Variants in ARB2A observed in about 807,000 individuals in gnomAD.
ARB2A encodes the protein cotranscriptional regulator ARB2A.
At chr5:94,087,718 C>T in the ARB2A span, among the ~76,000 whole-genome samples, 210 of 152,186 alleles carry the variant, frequency 1.4e-3, no homozygotes, top group Non-Finnish European at 2.6e-3. Flanking sequence ...AAAGGTGTTC[C>T]TTTTTTAAAA....
chr5:93,642,670 G>A, the ARB2A span, among the ~76,000 whole-genome samples: 3 of 151,844 alleles, frequency 2.0e-5, no homozygotes, highest in South Asian at 2.1e-4. Flanking sequence ...CACTGTGACC[G>A]GCCCCCAGCT....
chr5:93,698,048 G>T, the ARB2A span, among the ~76,000 whole-genome samples: 47 of 152,088 alleles, frequency 3.1e-4, no homozygotes, highest in African/African-American at 8.9e-4. Context: ...GAATATTTTG[G>T]TAAGAGTGAT....
At chr5:93,716,808 G>A in the ARB2A span, among the ~76,000 whole-genome samples, 1 of 149,956 alleles carries the variant, frequency 6.7e-6, no homozygotes, top group African/African-American at 2.5e-5. Context: ...TTCATACTCA[G>A]TACAATTTAT....
chr5:93,999,411 C>T, the ARB2A span, among the ~76,000 whole-genome samples: 2 of 152,002 alleles, frequency 1.3e-5, no homozygotes, highest in African/African-American at 2.4e-5. Context: ...ATGAATGCAT[C>T]TTATTGTAAT....
the ARB2A span, among the ~76,000 whole-genome samples, chr5:93,693,575 CA>C: frequency 0.83 from 126,311 of 151,384 alleles, 53,143 homozygotes; most frequent in African/African-American, 0.94. Flanking sequence ...GCCTACCAAC[CA>C]AAAAAAAAAG....
chr5:93,824,624 T>C, the ARB2A span, among the ~76,000 whole-genome samples: 1 of 152,078 alleles, frequency 6.6e-6, no homozygotes, highest in African/African-American at 2.4e-5. Flanking sequence ...CTTTTTTACA[T>C]TATTAACTGA....
At chr5:94,081,591 C>G in the ARB2A span, among the ~76,000 whole-genome samples, 1 of 151,324 alleles carries the variant, frequency 6.6e-6, no homozygotes, top group Non-Finnish European at 1.5e-5. Flanking sequence ...AGCCAATTAC[C>G]AAAAAAAACC....
chr5:93,770,830 C>T, the ARB2A span, among the ~76,000 whole-genome samples: 1 of 152,156 alleles, frequency 6.6e-6, no homozygotes, highest in African/African-American at 2.4e-5. Context: ...AAGAACATTC[C>T]ATGCTCATGG....
the ARB2A span, among the ~76,000 whole-genome samples, chr5:94,020,194 A>G: frequency 6.7e-6 from 1 of 149,446 alleles, no homozygotes; most frequent in African/African-American, 2.5e-5. Context: ...GTTCTCACTC[A>G]TAAGTGGGAG....
the ARB2A span, among the ~76,000 whole-genome samples, chr5:93,970,047 C>A: frequency 6.6e-6 from 1 of 152,128 alleles, no homozygotes; most frequent in Non-Finnish European, 1.5e-5. Context: ...TTCAAGCTTT[C>A]ATTCTTTCTC....
chr5:93,656,954 A>G, the ARB2A span, among the ~76,000 whole-genome samples: 1 of 152,078 alleles, frequency 6.6e-6, no homozygotes, highest in Admixed American at 6.6e-5. Context: ...ACTCCCCACC[A>G]GGGGTTAGTT....
the ARB2A span, among the ~76,000 whole-genome samples, chr5:94,058,281 T>C: frequency 6.6e-6 from 1 of 152,198 alleles, no homozygotes; most frequent in African/African-American, 2.4e-5. Context: ...CAACTTATTC[T>C]TTAAAGGAAT....
the ARB2A span, among the ~76,000 whole-genome samples, chr5:93,960,081 GCCCC>G: frequency 2.6e-5 from 1 of 39,080 alleles, no homozygotes; most frequent in African/African-American, 1.1e-4. Context: ...AACTCTAGAT[GCCCC>G]CCCCCCCCCC....
the ARB2A span, among the ~76,000 whole-genome samples, chr5:94,108,275 G>GA: frequency 8.0e-5 from 12 of 149,682 alleles, no homozygotes; most frequent in South Asian, 4.2e-4. Context: ...TAATTAAAAA[G>GA]AAAAAAAAAT....
At chr5:93,802,859 A>C in the ARB2A span, among the ~76,000 whole-genome samples, 2 of 152,118 alleles carry the variant, frequency 1.3e-5, no homozygotes, top group African/African-American at 4.8e-5. Flanking sequence ...TTAAAGAAGC[A>C]TAATGATGGC....
the ARB2A span, among the ~76,000 whole-genome samples, chr5:93,814,476 C>T: frequency 6.6e-6 from 1 of 152,156 alleles, no homozygotes; most frequent in African/African-American, 2.4e-5. Flanking sequence ...AAATGTATTA[C>T]ATAGCTATTA....
At chr5:93,757,311 A>G in the ARB2A span, among the ~76,000 whole-genome samples, 1 of 152,192 alleles carries the variant, frequency 6.6e-6, no homozygotes, top group Non-Finnish European at 1.5e-5. Flanking sequence ...ATTTGGGGGA[A>G]TAATCCAGGA....
At chr5:93,714,561 T>A in the ARB2A span, among the ~76,000 whole-genome samples, 1 of 152,248 alleles carries the variant, frequency 6.6e-6, no homozygotes, top group Non-Finnish European at 1.5e-5. Context: ...AAATTATAGA[T>A]GATTTTTAGT....
At chr5:94,003,881 A>C in the ARB2A span, among the ~76,000 whole-genome samples, 3 of 152,184 alleles carry the variant, frequency 2.0e-5, no homozygotes, top group Admixed American at 1.3e-4. Context: ...AAGGAACTAG[A>C]ATAAAGCAAT....
Sources: gnomAD v4.1 joint callset for allele counts (sites outside exome capture counted in the v4.1 genomes callset) on GRCh38, gnomAD v4.1.1 for gene constraint, MANE v1.5 for transcripts, NCBI Gene and HGNC (gene_info 2026-07-23, HGNC 2026-07-21) for gene names.